ZFPM2: variants seen among roughly 807,000 people sequenced by gnomAD.
ZFPM2 encodes zinc finger protein ZFPM2.
In ZFPM2, 20 loss-of-function variants were observed where a neutral mutation model predicts 98.6. That is an observed-to-expected ratio of 0.20 (90% confidence interval 0.14 to 0.29). The LOEUF is 0.29. ZFPM2 is among the 10% of genes least tolerant of loss of function. The probability of loss-of-function intolerance (pLI) is 1.00; values close to 1 mark genes in which losing one functional copy is unlikely to be tolerated. For missense variants in ZFPM2, 1,310 were observed against 1,388.6 expected, an observed-to-expected ratio of 0.94 and a Z score of 0.90; for synonymous variants, 518 against 502.7, an observed-to-expected ratio of 1.03 and a Z score of -0.41.
intron 5 of ZFPM2, chr8:105,691,020 A>G (rs1810866522): frequency 1.3e-5 from 2 of 151,956 alleles, no homozygotes; most frequent in Admixed American, 1.3e-4. Context: ...TTTGACCCCA[A>G]TCTGTCTGAC....
At chr8:105,627,301 C>T (rs1816676890) in intron 4 of ZFPM2, among the ~76,000 whole-genome samples, 3 of 152,076 alleles carry the variant, frequency 2.0e-5, no homozygotes, top group African/African-American at 7.2e-5. Flanking sequence ...CCATTTTGTC[C>T]TTGTCAAGTT....
rs187251231 is a variant in ZFPM2, at chr8:105,379,804, A to G, written c.41-39340A>G. ...TTGACTGTAAGAACCAAAACTGGCCATGAACACATGGTATAGACCAATATT... is the reference window on the plus strand; with the variant it reads ...TTGACTGTAAGAACCAAAACTGGCCGTGAACACATGGTATAGACCAATATT... On this transcript the variant is annotated intron_variant, in intron 1 of 7. Coordinates refer to ENST00000407775, the MANE Select transcript of ZFPM2 (RefSeq NM_012082.4). Among the ~76,000 whole-genome samples the G allele has an allele frequency of 2.2e-3, 329 of 152,080 alleles. 11 individuals are homozygous for G. The East Asian group carries it at 0.044, about 20-fold the overall frequency.
chr8:105,328,560 G>A (rs1363240164), intron 1 of ZFPM2, among the ~76,000 whole-genome samples: 1 of 151,802 alleles, frequency 6.6e-6, no homozygotes, highest in Admixed American at 6.6e-5. Flanking sequence ...TCTGGACTAT[G>A]CCATTAAAGT....
chr8:105,452,601 A>T (rs925029640), intron 3 of ZFPM2, among the ~76,000 whole-genome samples: 3 of 151,908 alleles, frequency 2.0e-5, no homozygotes, highest in African/African-American at 4.8e-5. Context: ...ATTAAAAAAA[A>T]ATTAGCCAGA....
At chr8:105,653,667 A>G (rs1817224985) in intron 5 of ZFPM2, among the ~76,000 whole-genome samples, 1 of 152,176 alleles carries the variant, frequency 6.6e-6, no homozygotes, top group African/African-American at 2.4e-5. Flanking sequence ...CAGAAAAGGT[A>G]CACTGTGGGA....
chr8:105,689,000 A>G (rs1194385771), intron 5 of ZFPM2, among the ~76,000 whole-genome samples: 2 of 152,132 alleles, frequency 1.3e-5, no homozygotes, highest in Non-Finnish European at 2.9e-5. Context: ...TTCTACACTG[A>G]CCTTTCTTCC....
At chr8:105,363,349 A>G (rs1352880542) in intron 1 of ZFPM2, among the ~76,000 whole-genome samples, 1 of 152,156 alleles carries the variant, frequency 6.6e-6, no homozygotes, top group African/African-American at 2.4e-5. Context: ...ATCATTTGCT[A>G]TGTGACTCTA....
intron 4 of ZFPM2, among the ~76,000 whole-genome samples, chr8:105,610,333 C>T (rs1816283146): frequency 6.6e-6 from 1 of 151,926 alleles, no homozygotes; most frequent in Non-Finnish European, 1.5e-5. Flanking sequence ...TAAAGAAGAG[C>T]AAAACATTAA....
At chr8:105,538,013 A>G (rs1814493584) in intron 3 of ZFPM2, among the ~76,000 whole-genome samples, 1 of 152,134 alleles carries the variant, frequency 6.6e-6, no homozygotes, top group African/African-American at 2.4e-5. Flanking sequence ...TCTTTTTTAC[A>G]GGCTCCATAT....
Position 105,494,183 on chromosome 8 carries a change from GTATATATATA to G in ZFPM2, c.301+49837_301+49846del, listed in dbSNP as rs61035457. On this transcript the variant is annotated intron_variant, in intron 3 of 7. Transcript: ENST00000407775. ...GCTCACATTTAAGCTGCCACCAAAAGTATATATATATATATATATATATATATATATATAT... is the reference window on the plus strand; with the variant it reads ...GCTCACATTTAAGCTGCCACCAAAAGTATATATATATATATATATATATAT... Among the ~76,000 whole-genome samples, 362 of 60,000 alleles carry G rather than the reference GTATATATATA, an allele frequency of 6.0e-3. 8 individuals carry two copies. The highest frequency in any genetic ancestry group is 0.054 in the Middle Eastern group (4 of 74). The allele number at this position is 60,000 out of a possible 152,430, so 39.4% of individuals were successfully genotyped here.
At chr8:105,763,003 A>G (rs1586246205) in intron 5 of ZFPM2, among the ~76,000 whole-genome samples, 1 of 151,520 alleles carries the variant, frequency 6.6e-6, no homozygotes. Flanking sequence ...ACATATTTAT[A>G]GAATATATAG....
chr8:105,723,060 C>A (rs997758482), intron 5 of ZFPM2, among the ~76,000 whole-genome samples: 4 of 151,856 alleles, frequency 2.6e-5, no homozygotes, highest in Non-Finnish European at 5.9e-5. Context: ...AAACACTGAT[C>A]TCCATCAACT....
At chr8:105,720,166 G>A (rs1439890895) in intron 5 of ZFPM2, among the ~76,000 whole-genome samples, 2 of 151,804 alleles carry the variant, frequency 1.3e-5, no homozygotes, top group Non-Finnish European at 2.9e-5. Flanking sequence ...TTCTTCTAGG[G>A]ATGCAAATGA....
At chr8:105,403,579 C>CTT (rs1027017148) in intron 1 of ZFPM2, among the ~76,000 whole-genome samples, 2 of 147,906 alleles carry the variant, frequency 1.4e-5, no homozygotes, top group African/African-American at 5.0e-5. Context: ...AAAGTTGAGT[C>CTT]TTTTTTTTTT....
At chr8:105,608,431 GGAAGGCA>G (rs1252841179) in intron 4 of ZFPM2, among the ~76,000 whole-genome samples, 1 of 152,028 alleles carries the variant, frequency 6.6e-6, no homozygotes, top group East Asian at 1.9e-4. Context: ...CTCCCTGTAA[GGAAGGCA>G]CACTGCATAC....
intron 4 of ZFPM2, among the ~76,000 whole-genome samples, chr8:105,569,531 G>A (rs1259561498): frequency 6.6e-6 from 1 of 152,170 alleles, no homozygotes; most frequent in African/African-American, 2.4e-5. Context: ...ACTTCAGTAG[G>A]ACAAGATAAC....
chr8:105,744,524 G>A (rs1218851752), intron 5 of ZFPM2, among the ~76,000 whole-genome samples: 1 of 152,076 alleles, frequency 6.6e-6, no homozygotes, highest in South Asian at 2.1e-4. Context: ...ACTAATGACT[G>A]TATAATCACA....
At chr8:105,778,421 G>A (rs1304755326) in intron 5 of ZFPM2, among the ~76,000 whole-genome samples, 1 of 151,994 alleles carries the variant, frequency 6.6e-6, no homozygotes, top group Non-Finnish European at 1.5e-5. Flanking sequence ...AAACAAGTAA[G>A]TATTCCGCTT....
At chr8:105,698,968 G>A (rs1305695734) in intron 5 of ZFPM2, among the ~76,000 whole-genome samples, 2 of 152,068 alleles carry the variant, frequency 1.3e-5, no homozygotes, top group Non-Finnish European at 2.9e-5. Flanking sequence ...TTGGCAAGAT[G>A]CTATTTTAAT....
Sources: allele counts gnomAD v4.1 joint callset (sites outside exome capture counted in the v4.1 genomes callset), GRCh38; gene constraint gnomAD v4.1.1; transcripts MANE v1.5; gene names NCBI Gene and HGNC (gene_info 2026-07-23, HGNC 2026-07-21).